COMMD1: variants seen among roughly 807,000 people sequenced by gnomAD.
The protein encoded by COMMD1 is copper metabolism domain containing 1, also known as COMM domain-containing protein 1.
In COMMD1, 10 loss-of-function variants were observed where a neutral mutation model predicts 17.2. The observed-to-expected ratio is 0.58, with a 90% CI of 0.36 to 0.99. The LOEUF is 0.99. Ranked by LOEUF, COMMD1 falls within the 50% of genes least tolerant of loss-of-function variation. The pLI is 0.01. For missense variants in COMMD1, 270 were observed against 231.8 expected (o/e 1.17, Z -1.07); for synonymous variants, 97 against 91.6 (o/e 1.06, Z -0.34).
intron 1 of COMMD1, among the ~76,000 whole-genome samples, chr2:61,974,049 C>G (rs1671723174): frequency 6.6e-6 from 1 of 152,154 alleles, no homozygotes; most frequent in African/African-American, 2.4e-5. Flanking sequence ...AATCCCAGCA[C>G]TTGGGAGGCT....
chr2:61,936,506 A>C (rs938458808), intron 1 of COMMD1, among the ~76,000 whole-genome samples: 14 of 152,364 alleles, frequency 9.2e-5, no homozygotes, highest in Non-Finnish European at 1.8e-4. Context: ...GTGCCAAACA[A>C]CATTTTAAGA....
At position 62,116,852 on chromosome 2, in the gene COMMD1, G is replaced by A. The variant is rs192392920; in HGVS notation, c.463-18979G>A. On this transcript the variant is annotated intron_variant, in intron 2 of 2. Transcript: ENST00000311832. ...CTCTACTAAAAATACAAAACTAGCC[G>A]AGCATGGTGGCACATGCCTGTAATC... is the stretch of plus-strand genomic sequence containing the variant. 6.3e-4 allele frequency among the ~76,000 whole-genome samples: 95 copies of A among 151,204 alleles called. 1 individual carries two copies. The highest frequency in any genetic ancestry group is 1.9e-3 in the African/African-American group (79 of 41,176).
rs138661479 is a variant in COMMD1, at chr2:62,119,382, T to C, written c.463-16449T>C. 6.3e-3 allele frequency among the ~76,000 whole-genome samples: 957 copies of C among 152,288 alleles called. 3 individuals are homozygous for C. Among genetic ancestry groups the C allele is most frequent in the Non-Finnish European group, 0.01 (713 of 68,018 alleles). On this transcript the variant is annotated intron_variant, in intron 2 of 2. Transcript: ENST00000311832. The stretch of plus-strand genomic sequence containing the variant: ...GAGAATAAGAGGCTACCTTGCCTCA[T>C]ATATAAACAGAGATATAAACAGATA...
intron 2 of COMMD1, among the ~76,000 whole-genome samples, chr2:62,094,050 C>T (rs552144275): frequency 6.6e-6 from 1 of 152,116 alleles, no homozygotes; most frequent in South Asian, 2.1e-4. Context: ...AAGAACCATC[C>T]GTGAACCAAA....
chr2:62,133,702 T>C (rs1430106990), intron 2 of COMMD1, among the ~76,000 whole-genome samples: 1 of 152,166 alleles, frequency 6.6e-6, no homozygotes, highest in Admixed American at 6.5e-5. Context: ...ATTAAGTATA[T>C]GGTGAATCTA....
intron 1 of COMMD1, among the ~76,000 whole-genome samples, chr2:61,916,554 T>TG (rs1046924815): frequency 6.6e-6 from 1 of 152,094 alleles, no homozygotes; most frequent in African/African-American, 2.4e-5. Context: ...CCTGAGTGGC[T>TG]GGGACTACAG....
rs1407042608 is a variant in COMMD1, at chr2:62,000,933, T to TAC, written c.420_421dup (p.Pro141HisfsTer6). On this transcript the variant is annotated frameshift_variant, in exon 2 of 3. Transcript: ENST00000311832. LOFTEE classifies it high-confidence loss of function. ...TCTCAGTCAAGGCACTCAGCTCAAA[T>TAC]ACACACACCTGTTGCCATTATAGAG... 6.2e-7 allele frequency: 1 copy of TAC among 1,614,122 alleles called. No individual in the cohort carries two copies. Among genetic ancestry groups the TAC allele is most frequent in the East Asian group, 2.2e-5 (1 of 44,888 alleles).
At chr2:62,040,410 T>G (rs532442597) in intron 2 of COMMD1, among the ~76,000 whole-genome samples, 1 of 152,220 alleles carries the variant, frequency 6.6e-6, no homozygotes, top group Non-Finnish European at 1.5e-5. Context: ...TTTCCCTATG[T>G]TCTCAGTGAA....
At chr2:62,114,712 T>C (rs978724495) in intron 2 of COMMD1, among the ~76,000 whole-genome samples, 8 of 152,250 alleles carry the variant, frequency 5.3e-5, no homozygotes, top group African/African-American at 1.9e-4. Flanking sequence ...ACTCTTCCAC[T>C]CTGCTGCACT....
intron 2 of COMMD1, among the ~76,000 whole-genome samples, chr2:62,008,872 C>T (rs539298145): frequency 2.0e-5 from 3 of 152,268 alleles, no homozygotes; most frequent in Non-Finnish European, 4.4e-5. Context: ...CCTCTGCCTC[C>T]CGTGCTCAAG....
chr2:62,114,470 T>G (rs1672534486), intron 2 of COMMD1, among the ~76,000 whole-genome samples: 1 of 152,192 alleles, frequency 6.6e-6, no homozygotes, highest in Non-Finnish European at 1.5e-5. Flanking sequence ...GATTTTTCAG[T>G]GTTATTTTTG....
intron 2 of COMMD1, among the ~76,000 whole-genome samples, chr2:62,135,598 G>A (rs541747506): frequency 4.9e-4 from 74 of 152,030 alleles, no homozygotes; most frequent in Non-Finnish European, 9.6e-4. Flanking sequence ...TGATCTGCCC[G>A]CCTCGGCCTC....
intron 2 of COMMD1, among the ~76,000 whole-genome samples, chr2:62,067,676 G>C (rs1671091686): frequency 6.6e-6 from 1 of 152,206 alleles, no homozygotes; most frequent in Admixed American, 6.5e-5. Flanking sequence ...GTAGGGATAT[G>C]ATCCTATGGT....
At position 62,014,542 on chromosome 2, in the gene COMMD1, C is replaced by CTTTTTTT. The variant is rs67886279; in HGVS notation, c.462+13591_462+13597dup. ...CATAACAAAATTTTACCATTTTAAC[C>CTTTTTTT]TTTTTTTTTTTTTTTTTTTTTTTTT... On this transcript the variant is annotated intron_variant, in intron 2 of 2. Coordinates refer to ENST00000311832, the MANE Select transcript of COMMD1 (RefSeq NM_152516.4). Among the ~76,000 whole-genome samples the CTTTTTTT allele has an allele frequency of 1.2e-3, 76 of 63,568 alleles. 7 individuals are homozygous for CTTTTTTT. Among genetic ancestry groups the CTTTTTTT allele is most frequent in the East Asian group, 7.7e-3 (12 of 1,568 alleles). 41.7% of individuals were successfully genotyped at this position (63,568 alleles called of 152,430 possible). A position where few individuals can be genotyped will look rare whatever the true frequency, so the allele number is the denominator to read the frequency against.
intron 1 of COMMD1, among the ~76,000 whole-genome samples, chr2:61,983,432 C>A (rs998516924): frequency 6.6e-6 from 1 of 152,020 alleles, no homozygotes; most frequent in Non-Finnish European, 1.5e-5. Flanking sequence ...CCTCGTGATC[C>A]GACCGCCTCG....
intron 1 of COMMD1, among the ~76,000 whole-genome samples, chr2:61,941,884 C>T (rs1670757867): frequency 6.6e-6 from 1 of 152,108 alleles, no homozygotes; most frequent in Admixed American, 6.5e-5. Context: ...TACATTATAT[C>T]CTCTGATTTT....
chr2:62,020,428 C>CT (rs1310199859), intron 2 of COMMD1, among the ~76,000 whole-genome samples: 2 of 151,934 alleles, frequency 1.3e-5, no homozygotes, highest in Non-Finnish European at 2.9e-5. Context: ...GGAAAGTAGG[C>CT]TTTTTTTTGC....
At chr2:61,910,258 C>T (rs546751274) in intron 1 of COMMD1, among the ~76,000 whole-genome samples, 1 of 151,772 alleles carries the variant, frequency 6.6e-6, no homozygotes, top group Non-Finnish European at 1.5e-5. Context: ...ACTGCCCCCC[C>T]CTTTTTTTTT....
At chr2:61,901,038 C>T (rs1041207663), upstream of COMMD1, among the ~76,000 whole-genome samples, 1 of 152,058 alleles carries the variant, frequency 6.6e-6, no homozygotes, top group Admixed American at 6.6e-5. Context: ...CCTCCACCTC[C>T]TGGGTTCAAG....
Sources: gnomAD v4.1 joint callset for allele counts (sites outside exome capture counted in the v4.1 genomes callset) on GRCh38, gnomAD v4.1.1 for gene constraint, MANE v1.5 for transcripts, NCBI Gene and HGNC (gene_info 2026-07-23, HGNC 2026-07-21) for gene names.